Variants in KIF20B observed in about 807,000 individuals in gnomAD.
KIF20B encodes the protein kinesin-like protein KIF20B.
A neutral mutation model predicts 232.5 loss-of-function variants in KIF20B; 188 were observed. The observed-to-expected ratio is 0.81, with a 90% CI of 0.72 to 0.91. The LOEUF (loss-of-function observed/expected upper bound fraction) is 0.91. Ranked by LOEUF, KIF20B falls within the 40% of genes least tolerant of loss-of-function variation. The probability of loss-of-function intolerance (pLI) is 0.00; values close to 1 mark genes in which losing one functional copy is unlikely to be tolerated. For missense variants in KIF20B, 2,154 were observed against 2,055.9 expected, an observed-to-expected ratio of 1.05 and a Z score of -0.92; for synonymous variants, 712 against 683.0, an observed-to-expected ratio of 1.04 and a Z score of -0.66.
intron 1 of KIF20B, among the ~76,000 whole-genome samples, chr10:89,705,006 T>C (rs3824605): frequency 0.34 from 52,159 of 151,826 alleles, 10,175 homozygotes; most frequent in East Asian, 0.57. Context: ...AGAGAGTAAA[T>C]ATTTTATACC....
At chr10:89,755,444 C>G (rs1454399508) in intron 26 of KIF20B, among the ~76,000 whole-genome samples, 2 of 114,714 alleles carry the variant, frequency 1.7e-5, no homozygotes, top group African/African-American at 6.4e-5. Flanking sequence ...TTCCTTCCCT[C>G]CCCCCTTTCC....
In KIF20B at chr10:89,714,063, A is replaced by G. The variant is rs775166996; in HGVS notation, c.692A>G (p.Asp231Gly). 1 of 1,455,512 alleles carries G rather than the reference A, an allele frequency of 6.9e-7. No homozygotes were observed. Among genetic ancestry groups the G allele is most frequent in the South Asian group, 1.4e-5 (1 of 71,792 alleles). 90.2% of individuals were successfully genotyped at this position (1,455,512 alleles called of 1,614,324 possible). Residue 231 changes from aspartate to glycine, a missense_variant, in exon 7 of 33, where the codon GAT (aspartate) becomes GGT (glycine). By Grantham distance (94) the Asp-to-Gly change is moderately conservative. Transcript: ENST00000371728. ...RQIKEVTVHNDSDDTLYGSLT... is the reference protein window; with the variant it reads ...RQIKEVTVHNGSDDTLYGSLT... ...TTTTTTTAGGTTACTGTGCATAATG[A>G]TAGTGATGATACTCTTTATGGTAAG...
At position 89,754,655 on chromosome 10, in the gene KIF20B, T is replaced by A. The variant is rs1304082399; in HGVS notation, c.4485T>A (p.Phe1495Leu). 5 of 1,575,830 alleles carry A rather than the reference T, an allele frequency of 3.2e-6. No homozygotes were observed. Among genetic ancestry groups the A allele is most frequent in the African/African-American group, 1.4e-5 (1 of 73,270 alleles). The change falls in exon 26 of 33, where the codon TTT becomes TTA. Residue 1495 changes from phenylalanine to leucine, a missense_variant. Transcript: ENST00000371728. ...ATGCTGAGGACAGGGAGCGTTTTTT[T>A]AAGCAACAGAATGAAATGGTTAGTA... ...KKYAEDRERF[F>L]KQQNEMEILT...
intron 13 of KIF20B, among the ~76,000 whole-genome samples, chr10:89,722,153 ATCC>A (rs1843072999): frequency 6.6e-6 from 1 of 152,152 alleles, no homozygotes; most frequent in African/African-American, 2.4e-5. Flanking sequence ...GGCTCAGGCA[ATCC>A]TCCTGCCTTG....
intron 2 of KIF20B, among the ~76,000 whole-genome samples, chr10:89,706,043 G>C (rs7077349): frequency 0.31 from 47,447 of 151,992 alleles, 8,380 homozygotes; most frequent in African/African-American, 0.47. Context: ...AAATACCTAG[G>C]AATACAAACT....
Position 89,768,768 on chromosome 10 carries a change from T to C in KIF20B, c.5122T>C (p.Tyr1708His). 9 of 1,597,184 alleles carry C rather than the reference T, an allele frequency of 5.6e-6. No individual in the cohort carries two copies. Among genetic ancestry groups the C allele is most frequent in the Non-Finnish European group, 7.7e-6 (9 of 1,175,118 alleles). ...CATACGTCCATCATCTAAGAAAACA[T>C]ATTCTTTACGGAGTCAGGCATCCAT... ...VAIRPSSKKT[Y>H]SLRSQASIIG... The change falls in exon 31 of 33, where the codon TAT (tyrosine) becomes CAT (histidine). Residue 1708 changes from tyrosine (Y) to histidine (H), a missense_variant. Coordinates refer to ENST00000371728, the MANE Select transcript of KIF20B (RefSeq NM_001284259.2).
intron 26 of KIF20B, among the ~76,000 whole-genome samples, chr10:89,757,055 T>TATATATATATATATATATAC (rs1842142304): frequency 7.3e-6 from 1 of 136,458 alleles, no homozygotes. Flanking sequence ...TATATATATA[T>TATATATATATATATATATAC]ATATATATAT....
chr10:89,715,326 G>C, intron 8 of KIF20B, 144 bp downstream of exon 8: 1 of 632,980 alleles, frequency 1.6e-6, no homozygotes, highest in Non-Finnish European at 2.7e-6. Flanking sequence ...TTGTGCTTTG[G>C]AAGTATGTTT....
intron 26 of KIF20B, among the ~76,000 whole-genome samples, chr10:89,755,448 C>G (rs1315247262): frequency 8.3e-6 from 1 of 119,840 alleles, no homozygotes; most frequent in East Asian, 3.1e-4. Context: ...TTCCCTCCCC[C>G]CTTTCCTTCC....
chr10:89,772,053 A>T (rs560114487), intron 31 of KIF20B, among the ~76,000 whole-genome samples: 11 of 133,936 alleles, frequency 8.2e-5, no homozygotes, highest in Middle Eastern at 3.6e-3. Context: ...TTTCTATTTA[A>T]AAAAAAATAT....
chr10:89,720,723 TGA>T (rs1843038354), intron 13 of KIF20B, among the ~76,000 whole-genome samples: 1 of 152,204 alleles, frequency 6.6e-6, no homozygotes, highest in Non-Finnish European at 1.5e-5. Context: ...TATTTATTTT[TGA>T]GAGAGGGTCT....
At chr10:89,742,423 C>A (rs1162853892) in intron 21 of KIF20B, among the ~76,000 whole-genome samples, 2 of 152,090 alleles carry the variant, frequency 1.3e-5, no homozygotes, top group Non-Finnish European at 1.5e-5. Context: ...TAAGACTTGT[C>A]TAAGTTCACT....
chr10:89,761,293 CT>C (rs1356697071), intron 28 of KIF20B, among the ~76,000 whole-genome samples: 3 of 151,788 alleles, frequency 2.0e-5, no homozygotes, highest in African/African-American at 4.8e-5. Context: ...AAGTGAATGA[CT>C]TGTTTGATTT....
chr10:89,708,073 T>C (rs1315388673), intron 2 of KIF20B, among the ~76,000 whole-genome samples: 1 of 152,228 alleles, frequency 6.6e-6, no homozygotes, highest in Non-Finnish European at 1.5e-5. Flanking sequence ...ATTTTGCGTA[T>C]ATCTTAATGT....
At chr10:89,763,708 T>C (rs1589883596) in intron 29 of KIF20B, among the ~76,000 whole-genome samples, 1 of 152,202 alleles carries the variant, frequency 6.6e-6, no homozygotes, top group East Asian at 1.9e-4. Context: ...TGTGGAGATT[T>C]GGCAAGTCAG....
intron 13 of KIF20B, among the ~76,000 whole-genome samples, chr10:89,722,066 C>A (rs1378147850): frequency 6.6e-6 from 1 of 151,994 alleles, no homozygotes; most frequent in Non-Finnish European, 1.5e-5. Context: ...TGCATGCCAC[C>A]ACCCCTAACT....
chr10:89,720,666 G>C (rs187794097), intron 13 of KIF20B, among the ~76,000 whole-genome samples: 3 of 151,850 alleles, frequency 2.0e-5, no homozygotes, highest in Admixed American at 2.0e-4. Context: ...AAGATTTAAC[G>C]GTTGTTTTTT....
chr10:89,767,528 C>G (rs1842387845), intron 29 of KIF20B, among the ~76,000 whole-genome samples: 1 of 151,972 alleles, frequency 6.6e-6, no homozygotes, highest in South Asian at 2.1e-4. Context: ...TTCTGAGGTT[C>G]AGTCATGATC....
chr10:89,745,701 C>T (rs1367928857), intron 22 of KIF20B, among the ~76,000 whole-genome samples, 198 bp from the exon 23 acceptor site: 1 of 151,564 alleles, frequency 6.6e-6, no homozygotes, highest in Non-Finnish European at 1.5e-5. Context: ...ATCTCTACTT[C>T]TTCTTTCCCC....
Sources: gnomAD v4.1 joint callset for allele counts (sites outside exome capture counted in the v4.1 genomes callset) on GRCh38, gnomAD v4.1.1 for gene constraint, MANE v1.5 for transcripts, NCBI Gene and HGNC (gene_info 2026-07-23, HGNC 2026-07-21) for gene names.